Variants in DCC observed in about 807,000 individuals in gnomAD.
The protein encoded by DCC is netrin receptor DCC.
Under a neutral mutation model 172.5 loss-of-function variants are expected in DCC, and 58 were observed. The observed-to-expected ratio is 0.34, with a 90% CI of 0.27 to 0.42. The LOEUF is 0.42. Among genes scored for constraint, DCC ranks in the 10% least tolerant of loss-of-function variants. DCC has a pLI of 1.00. For missense variants in DCC, 1,740 were observed against 1,791.0 expected (o/e 0.97, Z 0.51); for synonymous variants, 709 against 644.5 (o/e 1.10, Z -1.52).
chr18:52,759,806 CA>C (rs1298243002), intron 2 of DCC, among the ~76,000 whole-genome samples: 1 of 151,874 alleles, frequency 6.6e-6, no homozygotes. Flanking sequence ...CACAGATTAA[CA>C]AGAAAAAAGC....
chr18:52,370,652 C>T (rs1985079538), intron 1 of DCC, among the ~76,000 whole-genome samples: 1 of 152,040 alleles, frequency 6.6e-6, no homozygotes, highest in Non-Finnish European at 1.5e-5. Context: ...TGCAGCAAAC[C>T]ACCACGACAC....
At chr18:53,498,359 C>T (rs534410977) in intron 26 of DCC, among the ~76,000 whole-genome samples, 10 of 152,232 alleles carry the variant, frequency 6.6e-5, no homozygotes, top group African/African-American at 2.4e-4. Flanking sequence ...TTTGATTTAT[C>T]TGACAAAACT....
At chr18:53,073,389 G>T (rs562451093) in intron 7 of DCC, among the ~76,000 whole-genome samples, 1 of 152,152 alleles carries the variant, frequency 6.6e-6, no homozygotes, top group South Asian at 2.1e-4. Flanking sequence ...GCCGGGCGTG[G>T]TGGCGGGTGC....
At chr18:53,211,448 G>A (rs1176081564) in intron 11 of DCC, among the ~76,000 whole-genome samples, 2 of 152,220 alleles carry the variant, frequency 1.3e-5, no homozygotes, top group Non-Finnish European at 2.9e-5. Context: ...TACTGGCCAG[G>A]CATGGTGGCT....
At chr18:53,385,642 A>G (rs1050420272) in intron 15 of DCC, among the ~76,000 whole-genome samples, 2 of 152,112 alleles carry the variant, frequency 1.3e-5, no homozygotes, top group African/African-American at 4.8e-5. Flanking sequence ...GCTGATACCT[A>G]TTTTAGAATT....
intron 2 of DCC, among the ~76,000 whole-genome samples, chr18:52,844,627 G>A (rs963990275): frequency 6.6e-6 from 1 of 152,124 alleles, no homozygotes; most frequent in Non-Finnish European, 1.5e-5. Context: ...GGATTATGTA[G>A]ATCAGTATTA....
At chr18:52,630,643 G>C (rs1460527313) in intron 1 of DCC, among the ~76,000 whole-genome samples, 1 of 152,106 alleles carries the variant, frequency 6.6e-6, no homozygotes, top group African/African-American at 2.4e-5. Flanking sequence ...CTTTATGACG[G>C]TGAGATTTTT....
intron 15 of DCC, among the ~76,000 whole-genome samples, chr18:53,370,161 A>G (rs2058045626): frequency 6.6e-6 from 1 of 151,716 alleles, no homozygotes; most frequent in Non-Finnish European, 1.5e-5. Flanking sequence ...CAGATTTTCT[A>G]TTGTGATTTA....
chr18:53,300,992 T>TCTTTCTTTCTTTCTTTCTTTCTTTC, intron 12 of DCC, among the ~76,000 whole-genome samples: 1 of 109,934 alleles, frequency 9.1e-6, no homozygotes, highest in South Asian at 3.1e-4. Flanking sequence ...TTTCTTTCTT[T>TCTTTCTTTCTTTCTTTCTTTCTTTC]TTTTTTCTTT....
intron 12 of DCC, among the ~76,000 whole-genome samples, chr18:53,244,266 T>A (rs139008047): frequency 3.4e-4 from 52 of 152,270 alleles, no homozygotes; most frequent in African/African-American, 1.2e-3. Context: ...GGGATGATGC[T>A]CTACTTCCAG....
intron 2 of DCC, among the ~76,000 whole-genome samples, chr18:52,787,579 A>G (rs190314000): frequency 3.9e-5 from 6 of 152,236 alleles, no homozygotes; most frequent in Admixed American, 6.5e-5. Context: ...CTTAAATTGT[A>G]CATCATTTTG....
chr18:52,595,905 C>T (rs966937911), intron 1 of DCC, among the ~76,000 whole-genome samples: 7 of 152,186 alleles, frequency 4.6e-5, no homozygotes, highest in Admixed American at 3.9e-4. Context: ...AGAGCTCCAC[C>T]ATGAGAAATC....
chr18:52,683,224 T>C (rs2035777247), intron 1 of DCC, among the ~76,000 whole-genome samples: 1 of 152,084 alleles, frequency 6.6e-6, no homozygotes, highest in Non-Finnish European at 1.5e-5. Flanking sequence ...TGAAAGTAGG[T>C]AGTGGTTCCA....
At chr18:53,190,106 A>G (rs2055344038) in intron 9 of DCC, among the ~76,000 whole-genome samples, 1 of 151,966 alleles carries the variant, frequency 6.6e-6, no homozygotes, top group Admixed American at 6.6e-5. Flanking sequence ...TTGTATATTT[A>G]GCAGACACCA....
At chr18:52,755,805 C>A (rs140556858) in intron 2 of DCC, among the ~76,000 whole-genome samples, 16 of 152,040 alleles carry the variant, frequency 1.1e-4, no homozygotes, top group African/African-American at 3.9e-4. Flanking sequence ...TTTTTGCTTT[C>A]TCAAAGTGTC....
At chr18:53,078,310 CATAA>C (rs1360245676) in intron 7 of DCC, among the ~76,000 whole-genome samples, 2 of 152,014 alleles carry the variant, frequency 1.3e-5, no homozygotes. Context: ...TAAGTAAATA[CATAA>C]ATAAATTTTA....
chr18:53,139,831 G>A (rs1039740739), intron 7 of DCC, among the ~76,000 whole-genome samples: 16 of 152,144 alleles, frequency 1.1e-4, no homozygotes, highest in African/African-American at 3.4e-4. Context: ...GGTCAGAAAC[G>A]CATCACATAA....
intron 14 of DCC, among the ~76,000 whole-genome samples, chr18:53,336,415 G>A (rs946791850): frequency 2.6e-5 from 4 of 152,168 alleles, no homozygotes; most frequent in African/African-American, 9.7e-5. Flanking sequence ...AGAAGTGAGT[G>A]GGCATAAATT....
At position 52,923,813 on chromosome 18, in the gene DCC, A is replaced by T. The variant is rs1277335802; in HGVS notation, c.804A>T (p.Pro268=). The T allele has an allele frequency of 6.2e-7, 1 of 1,613,432 alleles. No individual in the cohort carries two copies. Among genetic ancestry groups the T allele is most frequent in the African/African-American group, 1.3e-5 (1 of 75,002 alleles). The change falls in exon 4 of 29, where the codon CCA becomes CCT. Residue 268 remains proline, a synonymous_variant. Transcript: ENST00000442544. The part of the protein sequence containing the change: ...VLECCVSGYP[P]PSFTWLRGEE... ...AATGTTGTGTTTCTGGCTATCCTCC[A>T]CCAAGTTTTACCTGGTTACGAGGCG...
Sources: gnomAD v4.1 joint callset for allele counts (sites outside exome capture counted in the v4.1 genomes callset) on GRCh38, gnomAD v4.1.1 for gene constraint, MANE v1.5 for transcripts, NCBI Gene and HGNC (gene_info 2026-07-23, HGNC 2026-07-21) for gene names.